IL33: variants seen among roughly 807,000 people sequenced by gnomAD.
The protein encoded by IL33 is interleukin-33.
Under a neutral mutation model 27.3 loss-of-function variants are expected in IL33, and 37 were observed. That is an observed-to-expected ratio of 1.36 (90% CI 1.04 to 1.78). The LOEUF (loss-of-function observed/expected upper bound fraction) is 1.78. Ranked by LOEUF, IL33 falls within the 40% of genes most tolerant of loss-of-function variation. The pLI, the probability that IL33 is intolerant of heterozygous loss-of-function variation, is 0.00. For synonymous variants in IL33, 132 were observed against 102.9 expected (o/e 1.28, Z -1.71); for missense variants, 406 against 311.4 (o/e 1.30, Z -2.29).
intron 1 of IL33, among the ~76,000 whole-genome samples, chr9:6,220,477 A>G (rs964091915): frequency 5.9e-5 from 9 of 152,196 alleles, no homozygotes; most frequent in African/African-American, 1.9e-4. Context: ...ATTACTGGCA[A>G]TTGTTTAAGA....
Position 6,252,987 on chromosome 9 carries a change from G to GAA in IL33, c.467_468dup (p.Asp157LysfsTer6). ...TTGAAGACTTGAAAAAAGATGAAAA[G>GAA]AAAGGTAGATTATTTTCTTTTTCTA... On this transcript the variant is annotated frameshift_variant, in exon 5 of 8. Coordinates refer to ENST00000682010, the MANE Select transcript of IL33 (RefSeq NM_033439.4). LOFTEE classifies it high-confidence loss of function. 1 of 1,509,842 alleles carries GAA rather than the reference G, an allele frequency of 6.6e-7. No homozygotes were observed. The highest frequency in any genetic ancestry group is 1.2e-5 in the South Asian group (1 of 81,874). The allele number at this position is 1,509,842 out of a possible 1,614,324, so 93.5% of individuals were successfully genotyped here. A position where few individuals can be genotyped will look rare whatever the true frequency, so the allele number is the denominator to read the frequency against.
At chr9:6,231,952 T>C (rs1471022148) in intron 1 of IL33, among the ~76,000 whole-genome samples, 2 of 152,210 alleles carry the variant, frequency 1.3e-5, no homozygotes, top group African/African-American at 4.8e-5. Flanking sequence ...AAACTCAGCA[T>C]TGTAACAAGA....
At chr9:6,254,585 A>C in intron 7 of IL33, 32 bp downstream of exon 7, 1 of 1,289,680 alleles carries the variant, frequency 7.8e-7, no homozygotes, top group African/African-American at 1.5e-5. Flanking sequence ...ATATCTATAT[A>C]TATGATTACA....
rs1816608285 is a variant in IL33, at chr9:6,254,502, TC to T, written c.563del (p.Pro188LeufsTer53). On this transcript the variant is annotated frameshift_variant, in exon 7 of 8. Coordinates refer to ENST00000682010, the MANE Select transcript of IL33 (RefSeq NM_033439.4). LOFTEE classifies it low-confidence loss of function (END_TRUNC). The stretch of plus-strand genomic sequence containing the variant: ...GTAAGATGTTAATGGTAACCCTGAG[TC>T]CTACAAAAGACTTCTGGTTGCATGC... ...DGKMLMVTLS[P>X]TKDFWLHANN... 1 of 1,598,348 alleles carries T rather than the reference TC, an allele frequency of 6.3e-7. No homozygotes were observed. Among genetic ancestry groups the T allele is most frequent in the Non-Finnish European group, 8.5e-7 (1 of 1,170,604 alleles).
chr9:6,240,569 A>G, intron 1 of IL33, among the ~76,000 whole-genome samples: 1 of 152,192 alleles, frequency 6.6e-6, no homozygotes, highest in Non-Finnish European at 1.5e-5. Context: ...AAGTAAAAAT[A>G]TGGTATGAAG....
chr9:6,237,457 G>C (rs1201340275), intron 1 of IL33, among the ~76,000 whole-genome samples: 2 of 152,184 alleles, frequency 1.3e-5, no homozygotes, highest in Non-Finnish European at 2.9e-5. Flanking sequence ...TGTAAATGTG[G>C]TATTTTCAGC....
At chr9:6,225,597 A>T (rs1323162790) in intron 1 of IL33, among the ~76,000 whole-genome samples, 3 of 152,224 alleles carry the variant, frequency 2.0e-5, no homozygotes, top group African/African-American at 7.2e-5. Flanking sequence ...TGCAAATATC[A>T]AATGTTTATT....
At chr9:6,247,460 A>T (rs1213358470) in intron 2 of IL33, among the ~76,000 whole-genome samples, 1 of 152,188 alleles carries the variant, frequency 6.6e-6, no homozygotes, top group African/African-American at 2.4e-5. Context: ...GTTTCCTATC[A>T]GCCATAGTCT....
At chr9:6,236,140 G>A (rs1212034947) in intron 1 of IL33, among the ~76,000 whole-genome samples, 1 of 151,388 alleles carries the variant, frequency 6.6e-6, no homozygotes, top group East Asian at 1.9e-4. Context: ...ATCAATAAAA[G>A]ACTCGTTAAG....
chr9:6,232,474 G>A lies in IL33; in HGVS notation c.-11-9210G>A, dbSNP rs185918355. Among the ~76,000 whole-genome samples the A allele has an allele frequency of 4.5e-3, 687 of 152,160 alleles. 6 individuals carry two copies. The highest frequency in any genetic ancestry group is 0.016 in the African/African-American group (646 of 41,514). Reference sequence around the variant, plus strand: ...GGTTGTTTCCCTAATTTAAATGTATGTCATTTCCTCTGGGATGTTCCCCAC... The same window carrying A: ...GGTTGTTTCCCTAATTTAAATGTATATCATTTCCTCTGGGATGTTCCCCAC... On this transcript the variant is annotated intron_variant, in intron 1 of 7. Transcript: ENST00000682010.
In IL33 at chr9:6,256,102, G is replaced by C. The variant is rs758955266; in HGVS notation, c.747G>C (p.Leu249=). 1 of 1,613,404 alleles carries C rather than the reference G, an allele frequency of 6.2e-7. No individual in the cohort carries two copies. Among genetic ancestry groups the C allele is most frequent in the Non-Finnish European group, 8.5e-7 (1 of 1,179,512 alleles). Residue 249 remains leucine (L), a synonymous_variant, in exon 8 of 8, where the codon CTG becomes CTC. Transcript: ENST00000682010. The stretch of plus-strand genomic sequence containing the variant: ...GTGTAAAGGATAATCATCTTGCTCT[G>C]ATTAAAGTAGACTCTTCTGAGAATT... ...FIGVKDNHLA[L]IKVDSSENLC...
intron 1 of IL33, among the ~76,000 whole-genome samples, chr9:6,228,963 C>G (rs1587618496): frequency 6.6e-6 from 1 of 151,916 alleles, no homozygotes; most frequent in Admixed American, 6.6e-5. Flanking sequence ...GTAATTTTGT[C>G]CTGCTGTAAG....
intron 1 of IL33, among the ~76,000 whole-genome samples, chr9:6,223,665 G>A (rs182714790): frequency 3.3e-5 from 5 of 152,048 alleles, no homozygotes; most frequent in Non-Finnish European, 7.4e-5. Flanking sequence ...TTTCTTTAAA[G>A]GATTTAGAAA....
intron 1 of IL33, among the ~76,000 whole-genome samples, chr9:6,227,596 T>C (rs958421691): frequency 6.6e-6 from 1 of 152,176 alleles, no homozygotes; most frequent in African/African-American, 2.4e-5. Flanking sequence ...TGCAATATTC[T>C]TTTTTCAGAA....
intron 1 of IL33, 58 bp from the exon 2 acceptor site, chr9:6,241,626 G>A: frequency 2.0e-6 from 2 of 1,015,344 alleles, no homozygotes; most frequent in Non-Finnish European, 2.9e-6. Flanking sequence ...AGCCACAGTT[G>A]TTTCCGTTTG....
chr9:6,242,525 C>T (rs982965252), intron 2 of IL33: 4 of 152,168 alleles, frequency 2.6e-5, no homozygotes, highest in Non-Finnish European at 5.9e-5. Context: ...AAGCAACTAA[C>T]TGTTCAAGAA....
intron 1 of IL33, among the ~76,000 whole-genome samples, chr9:6,239,964 A>G (rs1819435830): frequency 6.6e-6 from 1 of 152,162 alleles, no homozygotes; most frequent in South Asian, 2.1e-4. Context: ...TTAACATTCC[A>G]TAGGTTTTCT....
chr9:6,232,177 G>A (rs1263747188), intron 1 of IL33, among the ~76,000 whole-genome samples: 2 of 152,142 alleles, frequency 1.3e-5, no homozygotes, highest in South Asian at 2.1e-4. Flanking sequence ...ATGACAATGT[G>A]AAATGAAAAC....
intron 2 of IL33, among the ~76,000 whole-genome samples, chr9:6,243,045 A>G (rs567780922): frequency 5.7e-4 from 87 of 152,324 alleles, no homozygotes; most frequent in African/African-American, 1.9e-3. Context: ...CGCTCTTGTG[A>G]GAATGGCACC....
Sources: gnomAD v4.1 joint callset for allele counts (sites outside exome capture counted in the v4.1 genomes callset) on GRCh38, gnomAD v4.1.1 for gene constraint, MANE v1.5 for transcripts, NCBI Gene and HGNC (gene_info 2026-07-23, HGNC 2026-07-21) for gene names.